CADPS2: variants seen among roughly 807,000 people sequenced by gnomAD.
The protein encoded by CADPS2 is calcium-dependent secretion activator 2.
Under a neutral mutation model 172.5 loss-of-function variants are expected in CADPS2, and 93 were observed. That is an observed-to-expected ratio of 0.54 (90% confidence interval 0.46 to 0.64). The LOEUF (loss-of-function observed/expected upper bound fraction) is 0.64. Among genes scored for constraint, CADPS2 ranks in the 30% least tolerant of loss-of-function variants. The probability of loss-of-function intolerance (pLI) is 0.00; values close to 1 mark genes in which losing one functional copy is unlikely to be tolerated. For missense variants in CADPS2, 1,420 were observed against 1,565.9 expected (o/e 0.91, Z 1.57); for synonymous variants, 546 against 555.2 (o/e 0.98, Z 0.23).
In CADPS2 at chr7:122,416,055, C is replaced by T. The variant is rs1206271157; in HGVS notation, c.2580+6G>A. 6.7e-7 allele frequency: 1 copy of T among 1,494,942 alleles called. No homozygotes were observed. The highest frequency in any genetic ancestry group is 9.1e-7 in the Non-Finnish European group (1 of 1,104,220). The allele number at this position is 1,494,942 out of a possible 1,614,324, so 92.6% of individuals were successfully genotyped here. On this transcript the variant is annotated splice_donor_region_variant and intron_variant, in intron 18 of 29. Coordinates refer to ENST00000449022, the MANE Select transcript of CADPS2 (RefSeq NM_017954.11). ...GCTTTATACTACAGTGAAAACAGGTCATCACCTCTGCATGATGCTCTTCAT... is the reference window on the plus strand; with the variant it reads ...GCTTTATACTACAGTGAAAACAGGTTATCACCTCTGCATGATGCTCTTCAT...
At chr7:122,687,137 G>C (rs905954650) in intron 2 of CADPS2, among the ~76,000 whole-genome samples, 1 of 152,300 alleles carries the variant, frequency 6.6e-6, no homozygotes, top group Admixed American at 6.5e-5. Flanking sequence ...GGAGCTACTA[G>C]CTCCAATATC....
At chr7:122,864,485 A>G (rs1199041603) in intron 1 of CADPS2, among the ~76,000 whole-genome samples, 1 of 152,114 alleles carries the variant, frequency 6.6e-6, no homozygotes, top group Non-Finnish European at 1.5e-5. Context: ...GTCTCAAAAA[A>G]CAAAAAAACA....
At chr7:122,728,071 A>G (rs2091283395) in intron 2 of CADPS2, among the ~76,000 whole-genome samples, 1 of 151,910 alleles carries the variant, frequency 6.6e-6, no homozygotes, top group Non-Finnish European at 1.5e-5. Flanking sequence ...CCAGGGCATT[A>G]TTGCAAAGTT....
At chr7:122,385,375 T>A (rs1421205537) in intron 24 of CADPS2, among the ~76,000 whole-genome samples, 3 of 152,044 alleles carry the variant, frequency 2.0e-5, no homozygotes, top group Non-Finnish European at 2.9e-5. Flanking sequence ...ATAGCTAATG[T>A]CTATACCTGG....
At chr7:122,364,934 G>C (rs2040664443) in intron 25 of CADPS2, among the ~76,000 whole-genome samples, 2 of 152,118 alleles carry the variant, frequency 1.3e-5, no homozygotes, top group Admixed American at 1.3e-4. Context: ...GCTGAAACCA[G>C]AAGAAGGAAA....
chr7:122,495,480 A>C (rs903900185), intron 9 of CADPS2, among the ~76,000 whole-genome samples: 2 of 152,190 alleles, frequency 1.3e-5, no homozygotes, highest in Admixed American at 1.3e-4. Context: ...CTTCCCCAAA[A>C]GTTCAATGCT....
intron 1 of CADPS2, among the ~76,000 whole-genome samples, chr7:122,873,644 T>C (rs926534244): frequency 6.6e-6 from 1 of 152,216 alleles, no homozygotes. Context: ...TGTGCATGTG[T>C]CCTTATAGTA....
At chr7:122,386,949 G>T in intron 24 of CADPS2, 77 bp downstream of exon 24, 1 of 1,439,594 alleles carries the variant, frequency 6.9e-7, no homozygotes, top group Non-Finnish European at 9.4e-7. Context: ...CCAATCAAGA[G>T]AATGCCTTGT....
intron 1 of CADPS2, among the ~76,000 whole-genome samples, chr7:122,745,578 C>T (rs1410645614): frequency 6.7e-6 from 1 of 148,976 alleles, no homozygotes; most frequent in Non-Finnish European, 1.5e-5. Flanking sequence ...ACAAAAGTGG[C>T]TTTAGGATAA....
chr7:122,659,093 G>A (rs2080189124), intron 3 of CADPS2, among the ~76,000 whole-genome samples: 2 of 151,678 alleles, frequency 1.3e-5, no homozygotes, highest in Non-Finnish European at 2.9e-5. Context: ...CATGTCAAAA[G>A]CACAAAACCA....
intron 2 of CADPS2, among the ~76,000 whole-genome samples, chr7:122,731,284 C>G (rs2091618424): frequency 6.6e-6 from 1 of 151,136 alleles, no homozygotes; most frequent in South Asian, 2.1e-4. Flanking sequence ...ATATTTTGTA[C>G]AACAGCAGAA....
At chr7:122,465,301 C>T (rs2054990621) in intron 14 of CADPS2, among the ~76,000 whole-genome samples, 1 of 152,134 alleles carries the variant, frequency 6.6e-6, no homozygotes, top group African/African-American at 2.4e-5. Context: ...AAATAGAAAG[C>T]CTGAGAATTT....
chr7:122,827,811 A>T (rs1428716037), intron 1 of CADPS2, among the ~76,000 whole-genome samples: 1 of 152,242 alleles, frequency 6.6e-6, no homozygotes, highest in Non-Finnish European at 1.5e-5. Flanking sequence ...ACTCATGTCT[A>T]TAATTGCAAA....
At chr7:122,417,346 C>T (rs6951877) in intron 17 of CADPS2, among the ~76,000 whole-genome samples, 12,226 of 152,110 alleles carry the variant, frequency 0.08, 1,279 homozygotes, top group African/African-American at 0.25. Flanking sequence ...TACTATATTC[C>T]CCTACAGAAT....
At chr7:122,868,068 TTC>T (rs1048751576) in intron 1 of CADPS2, among the ~76,000 whole-genome samples, 2 of 152,078 alleles carry the variant, frequency 1.3e-5, no homozygotes, top group African/African-American at 4.8e-5. Context: ...TTGATCTTTC[TTC>T]TCTGACTTGC....
At chr7:122,878,378 C>T (rs1236493551) in intron 1 of CADPS2, among the ~76,000 whole-genome samples, 3 of 151,026 alleles carry the variant, frequency 2.0e-5, no homozygotes, top group East Asian at 2.0e-4. Context: ...GTCGGCCGGG[C>T]GCGGTGGCTC....
At chr7:122,464,638 C>G (rs1488477957) in intron 14 of CADPS2, among the ~76,000 whole-genome samples, 1 of 152,152 alleles carries the variant, frequency 6.6e-6, no homozygotes, top group East Asian at 1.9e-4. Flanking sequence ...TATTTCATCT[C>G]TTTACAAAAA....
At chr7:122,803,998 A>AAAAAAAAAAAAC in intron 1 of CADPS2, among the ~76,000 whole-genome samples, 1 of 150,600 alleles carries the variant, frequency 6.6e-6, no homozygotes, top group African/African-American at 2.4e-5. Flanking sequence ...AAAAAAAAAA[A>AAAAAAAAAAAAC]CACTGCAAAG....
intron 7 of CADPS2, among the ~76,000 whole-genome samples, chr7:122,559,404 C>A (rs1000873238): frequency 1.3e-4 from 20 of 152,086 alleles, no homozygotes; most frequent in African/African-American, 4.6e-4. Flanking sequence ...CCGCTCTCCA[C>A]GAAAAGAACT....
Sources: gnomAD v4.1 joint callset for allele counts (sites outside exome capture counted in the v4.1 genomes callset) on GRCh38, gnomAD v4.1.1 for gene constraint, MANE v1.5 for transcripts, NCBI Gene and HGNC (gene_info 2026-07-23, HGNC 2026-07-21) for gene names.